Variants in KIF1B observed in about 807,000 individuals in gnomAD.
The protein encoded by KIF1B is kinesin-like protein KIF1B.
In KIF1B, 76 loss-of-function variants were observed where a neutral mutation model predicts 241.9. The observed-to-expected ratio is 0.31, with a 90% CI of 0.26 to 0.38. KIF1B has a LOEUF of 0.38. KIF1B is among the 10% of genes least tolerant of loss of function. The pLI is 1.00. For missense variants in KIF1B, 1,622 were observed against 2,271.4 expected, an observed-to-expected ratio of 0.71 and a Z score of 5.81; for synonymous variants, 750 against 796.7, an observed-to-expected ratio of 0.94 and a Z score of 0.99.
chr1:10,300,421 A>AT (rs1650483871), intron 22 of KIF1B, among the ~76,000 whole-genome samples: 2 of 151,886 alleles, frequency 1.3e-5, no homozygotes, highest in African/African-American at 4.8e-5. Context: ...AAATGGCAGT[A>AT]TTTTAAAAAG....
intron 1 of KIF1B, among the ~76,000 whole-genome samples, chr1:10,214,236 A>G (rs1351220712): frequency 6.6e-6 from 1 of 152,016 alleles, no homozygotes; most frequent in Non-Finnish European, 1.5e-5. Flanking sequence ...GTGCATGTAG[A>G]GATTTAGTTC....
intron 45 of KIF1B, among the ~76,000 whole-genome samples, chr1:10,373,741 C>G (rs1244738282): frequency 6.6e-6 from 1 of 152,164 alleles, no homozygotes. Flanking sequence ...GTTCAGGAAC[C>G]CTGGGTCTTC....
intron 27 of KIF1B, among the ~76,000 whole-genome samples, chr1:10,332,714 A>G (rs1465047856): frequency 2.0e-5 from 3 of 149,938 alleles, no homozygotes; most frequent in African/African-American, 4.9e-5. Flanking sequence ...ACGGAGTTTC[A>G]CCGTGTTAGC....
Position 10,376,987 on chromosome 1 carries a change from CTG to C in KIF1B, c.*401_*402del. The C allele has an allele frequency of 3.5e-6, 1 of 289,102 alleles. No homozygotes were observed. The allele number at this position is 289,102 out of a possible 1,614,324, so 17.9% of individuals were successfully genotyped here. A position where few individuals can be genotyped will look rare whatever the true frequency, so the allele number is the denominator to read the frequency against. On this transcript the variant is annotated 3_prime_UTR_variant, in exon 49 of 49. Coordinates refer to ENST00000676179, the MANE Select transcript of KIF1B (RefSeq NM_001365951.3). ...ATCATGACCACCTCTGATGTCTGTG[CTG>C]CTGTCACCAGGCACCTTTGTTTTTC...
intron 13 of KIF1B, 67 bp from the exon 14 acceptor site, chr1:10,279,030 C>T: frequency 8.5e-7 from 1 of 1,172,812 alleles, no homozygotes; most frequent in Non-Finnish European, 1.2e-6. Flanking sequence ...TGCTCTGTTC[C>T]CTCTCTGTGT....
At chr1:10,333,259 A>G (rs1032662321) in intron 27 of KIF1B, among the ~76,000 whole-genome samples, 1 of 150,758 alleles carries the variant, frequency 6.6e-6, no homozygotes. Flanking sequence ...AACCCAGCCT[A>G]CTCAGGAGGC....
intron 5 of KIF1B, among the ~76,000 whole-genome samples, chr1:10,262,696 GA>G (rs1022933125): frequency 2.0e-5 from 3 of 151,858 alleles, no homozygotes; most frequent in Admixed American, 2.0e-4. Context: ...GAATTTCTTT[GA>G]TTACTAGTAT....
chr1:10,289,146 T>C (rs1439994578), intron 15 of KIF1B, among the ~76,000 whole-genome samples: 1 of 152,234 alleles, frequency 6.6e-6, no homozygotes, highest in Non-Finnish European at 1.5e-5. Flanking sequence ...TGTTTTGGCA[T>C]GTGCTCGTCC....
chr1:10,259,841 C>T (rs879366070), intron 4 of KIF1B, among the ~76,000 whole-genome samples: 12 of 151,752 alleles, frequency 7.9e-5, no homozygotes, highest in Non-Finnish European at 1.6e-4. Context: ...ACCATGTTGT[C>T]CAGGCTGGTC....
chr1:10,253,632 G>A (rs929749104), intron 2 of KIF1B, among the ~76,000 whole-genome samples: 1 of 152,116 alleles, frequency 6.6e-6, no homozygotes, highest in Non-Finnish European at 1.5e-5. Flanking sequence ...CTCAGAGTTA[G>A]ATCCTGTCTC....
chr1:10,264,253 G>A (rs1019077311), intron 5 of KIF1B, among the ~76,000 whole-genome samples: 1 of 152,088 alleles, frequency 6.6e-6, no homozygotes, highest in South Asian at 2.1e-4. Flanking sequence ...ACTGGGGCAG[G>A]GTTCTTTGTC....
In KIF1B at chr1:10,365,002, T is replaced by C. The variant is rs1638526336; in HGVS notation, c.4367-98T>C. On this transcript the variant is annotated intron_variant, in intron 41 of 48. Transcript: ENST00000676179. This position sits in a 1 kb window ranked among gnomAD's most constrained non-coding sequence, Gnocchi z 4.0. ...GCCTGGGCAACAGAGCGAGACTCCA[T>C]CTCAAAAAAAAAAAAAAAAGAATTA... 2 of 978,520 alleles carry C rather than the reference T, an allele frequency of 2.0e-6. No individual in the cohort carries two copies. Among genetic ancestry groups the C allele is most frequent in the Non-Finnish European group, 2.9e-6 (2 of 688,202 alleles). 60.6% of individuals were successfully genotyped at this position (978,520 alleles called of 1,614,324 possible). A position where few individuals can be genotyped will look rare whatever the true frequency, so the allele number is the denominator to read the frequency against.
Position 10,326,377 on chromosome 1 carries a change from G to A in KIF1B, c.2924+18G>A, listed in dbSNP as rs755946980. On this transcript the variant is annotated intron_variant, in intron 27 of 48. Coordinates refer to ENST00000676179, the MANE Select transcript of KIF1B (RefSeq NM_001365951.3). The surrounding 1 kb of genome is among the most constrained non-coding windows in gnomAD (Gnocchi z 5.2). Reference sequence around the variant, plus strand: ...GTGGGAAGGTTGGTGAGGTTATTGTGAGAAAGGCGAAAAGGGACCAGCTCT... The same window carrying A: ...GTGGGAAGGTTGGTGAGGTTATTGTAAGAAAGGCGAAAAGGGACCAGCTCT... 6.8e-6 allele frequency: 11 copies of A among 1,613,960 alleles called. No individual in the cohort carries two copies. The highest frequency in any genetic ancestry group is 9.3e-6 in the Non-Finnish European group (11 of 1,180,024).
intron 2 of KIF1B, among the ~76,000 whole-genome samples, chr1:10,255,069 C>T (rs1647698745): frequency 6.6e-6 from 1 of 151,962 alleles, no homozygotes; most frequent in Non-Finnish European, 1.5e-5. Context: ...CTGCCTCAAC[C>T]TCCCCAGTAG....
Position 10,232,232 on chromosome 1 carries a change from A to T in KIF1B, c.-79-18A>T, listed in dbSNP as rs1395206643. 85 of 880,196 alleles carry T rather than the reference A, an allele frequency of 9.7e-5. No individual in the cohort carries two copies. The highest frequency in any genetic ancestry group is 1.4e-4 in the Non-Finnish European group (79 of 545,926). 54.5% of individuals were successfully genotyped at this position (880,196 alleles called of 1,614,324 possible). On this transcript the variant is annotated intron_variant, in intron 1 of 48. Transcript: ENST00000676179. ...TTTAATTCTGACTACCTCATATGGA[A>T]TTTTTTTCTTTTCAAAGGAAACTTG...
chr1:10,292,409 T>C (rs1006253318), intron 17 of KIF1B: 16 of 369,374 alleles, frequency 4.3e-5, no homozygotes, highest in Non-Finnish European at 8.1e-5. Flanking sequence ...TGTTGCTTTC[T>C]CTTAAATTCC....
chr1:10,235,295 C>T (rs1473716476), intron 2 of KIF1B, among the ~76,000 whole-genome samples: 3 of 152,166 alleles, frequency 2.0e-5, no homozygotes, highest in Non-Finnish European at 4.4e-5. Flanking sequence ...TCTTGTTACC[C>T]AGGCTGGAGT....
intron 3 of KIF1B, among the ~76,000 whole-genome samples, 186 bp downstream of exon 3, chr1:10,256,509 T>C (rs1238057302): frequency 3.3e-5 from 5 of 152,138 alleles, no homozygotes; most frequent in Non-Finnish European, 7.4e-5. Context: ...ATGGAAAGTT[T>C]ATGTACACAT....
chr1:10,296,859 A>G (rs1278966357), intron 20 of KIF1B, 38 bp from the exon 21 acceptor site: 1 of 1,586,768 alleles, frequency 6.3e-7, no homozygotes, highest in Admixed American at 1.7e-5. Flanking sequence ...TATATTAAAA[A>G]AATTATTTCT....
Sources: allele counts gnomAD v4.1 joint callset (sites outside exome capture counted in the v4.1 genomes callset), GRCh38; gene constraint gnomAD v4.1.1; non-coding constraint Gnocchi (gnomAD v3.1); transcripts MANE v1.5; gene names NCBI Gene and HGNC (gene_info 2026-07-23, HGNC 2026-07-21).